Variants in CLIC2 observed in about 807,000 individuals in gnomAD.
The protein encoded by CLIC2 is chloride intracellular channel protein 2.
CLIC2 carries 9 observed loss-of-function variants against 14.8 expected under a neutral mutation model. The observed-to-expected ratio is 0.61, with a 90% CI of 0.37 to 1.06. The LOEUF is 1.06. Among genes scored for constraint, CLIC2 ranks in the 50% least tolerant of loss-of-function variants. CLIC2 has a pLI of 0.01. For missense variants in CLIC2, 148 were observed against 181.4 expected, an observed-to-expected ratio of 0.82 and a Z score of 1.06; for synonymous variants, 61 against 66.3, an observed-to-expected ratio of 0.92 and a Z score of 0.39.
chrX:155,325,356 C>T (rs2075132257), intron 1 of CLIC2, among the ~76,000 whole-genome samples: 1 of 111,348 alleles, frequency 9.0e-6, no homozygotes, highest in Middle Eastern at 4.2e-3. Context: ...TTGGAATCAA[C>T]CCAAAGGGCC....
rs782608376 is a variant in CLIC2 at position 155,282,020 on chromosome X, G to C, written c.294-1952C>G. On this transcript the variant is annotated intron_variant, in intron 3 of 5. Transcript: ENST00000369449. The stretch of plus-strand genomic sequence containing the variant: ...CCTAACTCATTACAGTAGCCTATAA[G>C]GATCCACATGATGTGATCCCACCTT... 4.5e-5 allele frequency among the ~76,000 whole-genome samples: 5 copies of C among 110,849 alleles called. 1 individual carries two copies. The South Asian group carries it at 1.6e-3, about 35-fold the overall frequency.
intron 3 of CLIC2, chrX:155,293,499 G>A: frequency 4.2e-6 from 2 of 477,411 alleles, no homozygotes; most frequent in Admixed American, 3.3e-5. Context: ...TAAATGACAA[G>A]AGAGAGAGAA....
At chrX:155,292,488 C>A in intron 3 of CLIC2, 1 of 651,917 alleles carries the variant, frequency 1.5e-6, no homozygotes, top group Admixed American at 2.4e-5. Flanking sequence ...CAGTAAAGTG[C>A]CTGAGTATAT....
intron 1 of CLIC2, among the ~76,000 whole-genome samples, chrX:155,305,594 C>T (rs1412064265): frequency 3.1e-4 from 35 of 112,455 alleles, no homozygotes; most frequent in Non-Finnish European, 5.1e-4. Flanking sequence ...CATCTTGGCT[C>T]CTCCCTCCAC....
At position 155,293,108 on chromosome X, in the gene CLIC2, G is replaced by C. The variant is rs1309427424; in HGVS notation, c.293+5677C>G. 6.5e-6 allele frequency: 4 copies of C among 618,169 alleles called. No homozygotes were observed. In the African/African-American group the frequency reaches 6.6e-5, roughly 10 times the overall value. 50.9% of individuals were successfully genotyped at this position (618,169 alleles called of 1,213,427 possible). On this transcript the variant is annotated intron_variant, in intron 3 of 5. Coordinates refer to ENST00000369449, the MANE Select transcript of CLIC2 (RefSeq NM_001289.6). ...GGTGATTCAGATGACGGCGAAGATG[G>C]TTGAGGTGATGAGAAGCGGAAAAAT...
chrX:155,322,117 C>T (rs1406257225), intron 1 of CLIC2, among the ~76,000 whole-genome samples: 1 of 111,006 alleles, frequency 9.0e-6, no homozygotes, highest in African/African-American at 3.3e-5. Context: ...TAGTGGGAGA[C>T]TTTAACACCC....
intron 1 of CLIC2, among the ~76,000 whole-genome samples, chrX:155,304,916 T>G (rs1242588756): frequency 5.8e-5 from 6 of 103,658 alleles, no homozygotes; most frequent in African/African-American, 2.1e-4. Context: ...AGGGACCCAC[T>G]TGAGGAGGCA....
At chrX:155,328,359 A>G (rs2075145572) in intron 1 of CLIC2, among the ~76,000 whole-genome samples, 1 of 111,496 alleles carries the variant, frequency 9.0e-6, no homozygotes, top group African/African-American at 3.2e-5. Context: ...CTATATGCCA[A>G]CAGTGAACAA....
intron 1 of CLIC2, among the ~76,000 whole-genome samples, chrX:155,304,275 C>G (rs1467365914): frequency 4.0e-5 from 4 of 100,998 alleles, no homozygotes; most frequent in Admixed American, 1.1e-4. Context: ...AGGCTTTGCT[C>G]ATTTCTTTTT....
chrX:155,312,110 A>G (rs1350800669), intron 1 of CLIC2, among the ~76,000 whole-genome samples: 2 of 111,992 alleles, frequency 1.8e-5, no homozygotes, highest in Non-Finnish European at 3.8e-5. Flanking sequence ...TTCATTCTGT[A>G]GGTTGTCTGT....
chrX:155,322,912 T>A (rs1286071879), intron 1 of CLIC2, among the ~76,000 whole-genome samples: 1 of 111,989 alleles, frequency 8.9e-6, no homozygotes, highest in Non-Finnish European at 1.9e-5. Context: ...TACCATCAGA[T>A]AATACTGCAA....
rs1405893435 is a variant in CLIC2 at position 155,283,630 on chromosome X, CT to C, written c.294-3563del. ...AGTGTTCTCATTGTTCAATTTCCACCTATGAGTGAGAACATGCGGTGTTTGG... is the reference window on the plus strand; with the variant it reads ...AGTGTTCTCATTGTTCAATTTCCACCATGAGTGAGAACATGCGGTGTTTGG... On this transcript the variant is annotated intron_variant, in intron 3 of 5. Transcript: ENST00000369449. 2.7e-5 allele frequency among the ~76,000 whole-genome samples: 3 copies of C among 110,761 alleles called. No individual in the cohort carries two copies. The East Asian group carries it at 8.5e-4, about 31-fold the overall frequency.
At chrX:155,305,500 G>A (rs1275051178) in intron 1 of CLIC2, among the ~76,000 whole-genome samples, 1 of 111,978 alleles carries the variant, frequency 8.9e-6, no homozygotes, top group Non-Finnish European at 1.9e-5. Flanking sequence ...GATGAACCCG[G>A]TACCTCAGAT....
intron 3 of CLIC2, among the ~76,000 whole-genome samples, chrX:155,287,122 C>A (rs1386797926): frequency 9.0e-6 from 1 of 111,712 alleles, no homozygotes; most frequent in African/African-American, 3.3e-5. Flanking sequence ...AGTCTTTAAT[C>A]CATCTTGATT....
intron 1 of CLIC2, among the ~76,000 whole-genome samples, chrX:155,311,559 T>C (rs1418587852): frequency 8.9e-6 from 1 of 112,113 alleles, no homozygotes; most frequent in Non-Finnish European, 1.9e-5. Context: ...TTTTCTGTCT[T>C]CTTCTGAGCC....
intron 1 of CLIC2, among the ~76,000 whole-genome samples, chrX:155,317,992 A>T (rs1376663965): frequency 1.8e-5 from 2 of 111,894 alleles, no homozygotes; most frequent in African/African-American, 6.5e-5. Context: ...AAAGCATTCG[A>T]CAAAATCCAG....
intron 1 of CLIC2, among the ~76,000 whole-genome samples, chrX:155,319,226 A>G (rs2075104980): frequency 8.9e-6 from 1 of 112,241 alleles, no homozygotes; most frequent in South Asian, 3.7e-4. Flanking sequence ...TAATTAAATG[A>G]AAAAGCTTCT....
At chrX:155,333,407 T>C (rs782169149) in intron 1 of CLIC2, among the ~76,000 whole-genome samples, 24 of 111,083 alleles carry the variant, frequency 2.2e-4, no homozygotes, top group South Asian at 1.9e-3. Context: ...ATGATGCTAG[T>C]ACTATACAAG....
At chrX:155,301,338 T>G (rs1405568883) in intron 1 of CLIC2, among the ~76,000 whole-genome samples, 3 of 110,114 alleles carry the variant, frequency 2.7e-5, no homozygotes, top group East Asian at 2.9e-4. Context: ...CTCTTTGAAG[T>G]AATTGTGAAT....
Sources: gnomAD v4.1 joint callset for allele counts (sites outside exome capture counted in the v4.1 genomes callset) on GRCh38, gnomAD v4.1.1 for gene constraint, MANE v1.5 for transcripts, NCBI Gene and HGNC (gene_info 2026-07-23, HGNC 2026-07-21) for gene names.